ENOX1: variants seen among roughly 807,000 people sequenced by gnomAD.
The protein encoded by ENOX1 is candidate growth-related and time keeping constitutive hydroquinone (NADH) oxidase.
A neutral mutation model predicts 82.5 loss-of-function variants in ENOX1; 42 were observed. That is an observed-to-expected ratio of 0.51 (90% confidence interval 0.40 to 0.66). The LOEUF (loss-of-function observed/expected upper bound fraction) is 0.66. Among genes scored for constraint, ENOX1 ranks in the 30% least tolerant of loss-of-function variants. ENOX1 has a pLI of 0.00. For synonymous variants in ENOX1, 271 were observed against 282.2 expected (o/e 0.96, Z 0.40); for missense variants, 608 against 811.6 (o/e 0.75, Z 3.05).
At chr13:43,709,937 T>C (rs1359526811) in intron 1 of ENOX1, among the ~76,000 whole-genome samples, 2 of 152,142 alleles carry the variant, frequency 1.3e-5, no homozygotes, top group Non-Finnish European at 2.9e-5. Context: ...AGTTTTACTT[T>C]CAACAAACAG....
intron 1 of ENOX1, among the ~76,000 whole-genome samples, chr13:43,719,347 A>ACACACACACACC (rs2088399739): frequency 6.8e-6 from 1 of 147,258 alleles, no homozygotes; most frequent in South Asian, 2.1e-4. Context: ...ACACACACAC[A>ACACACACACACC]CCAGCAATCG....
chr13:43,592,371 A>C (rs1334029820), intron 2 of ENOX1, among the ~76,000 whole-genome samples: 1 of 152,214 alleles, frequency 6.6e-6, no homozygotes, highest in Admixed American at 6.5e-5. Flanking sequence ...GGGACATGTA[A>C]AATATGTGAT....
chr13:43,523,421 G>A (rs570918537), intron 2 of ENOX1, among the ~76,000 whole-genome samples: 1 of 152,254 alleles, frequency 6.6e-6, no homozygotes, highest in African/African-American at 2.4e-5. Context: ...ATAGAAAACA[G>A]AGAATAAGGG....
chr13:43,446,676 T>C (rs1181116014), intron 3 of ENOX1, among the ~76,000 whole-genome samples: 5 of 152,350 alleles, frequency 3.3e-5, no homozygotes, highest in Non-Finnish European at 5.9e-5. Flanking sequence ...ATCTAACTTC[T>C]GCCCAACCTT....
chr13:43,541,188 T>TTTTTTTTTTTG (rs2078705803), intron 2 of ENOX1, among the ~76,000 whole-genome samples: 1 of 140,524 alleles, frequency 7.1e-6, no homozygotes. Flanking sequence ...TTTTTTTTTT[T>TTTTTTTTTTTG]TTTTTTTTTT....
intron 9 of ENOX1, among the ~76,000 whole-genome samples, chr13:43,342,228 A>AC: frequency 6.6e-6 from 1 of 152,286 alleles, no homozygotes; most frequent in Admixed American, 6.5e-5. Context: ...TGTCTAACTG[A>AC]CACATCAAGT....
intron 1 of ENOX1, among the ~76,000 whole-genome samples, chr13:43,760,136 C>T (rs563410429): frequency 6.6e-6 from 1 of 152,282 alleles, no homozygotes; most frequent in Non-Finnish European, 1.5e-5. Flanking sequence ...TATAGACCAA[C>T]TCTTTTTTCA....
At chr13:43,288,082 C>T (rs2045802009) in intron 12 of ENOX1, among the ~76,000 whole-genome samples, 1 of 152,060 alleles carries the variant, frequency 6.6e-6, no homozygotes. Flanking sequence ...CATCTTGTGG[C>T]CTGTTATTAT....
intron 5 of ENOX1, among the ~76,000 whole-genome samples, chr13:43,362,695 C>G (rs1476060311): frequency 6.6e-6 from 1 of 152,188 alleles, no homozygotes; most frequent in Non-Finnish European, 1.5e-5. Flanking sequence ...GCTTTGTTTA[C>G]TAAGAAGCTC....
chr13:43,301,762 C>T (rs185901568), intron 11 of ENOX1, among the ~76,000 whole-genome samples: 274 of 152,214 alleles, frequency 1.8e-3, no homozygotes, highest in Middle Eastern at 3.4e-3. Flanking sequence ...TATATTGACT[C>T]CACTTAGCTT....
At chr13:43,437,255 G>A (rs960313751) in intron 3 of ENOX1, among the ~76,000 whole-genome samples, 1 of 152,154 alleles carries the variant, frequency 6.6e-6, no homozygotes, top group Admixed American at 6.5e-5. Flanking sequence ...ATTGGGAAGG[G>A]TAGAATAAAC....
At chr13:43,400,562 T>C (rs905872792) in intron 5 of ENOX1, among the ~76,000 whole-genome samples, 2 of 152,230 alleles carry the variant, frequency 1.3e-5, no homozygotes, top group African/African-American at 4.8e-5. Flanking sequence ...GTCATAAACC[T>C]GAGTGCATGA....
intron 12 of ENOX1, among the ~76,000 whole-genome samples, chr13:43,274,763 G>A (rs910030615): frequency 6.6e-6 from 1 of 152,144 alleles, no homozygotes; most frequent in Admixed American, 6.5e-5. Context: ...ACACTTGGGC[G>A]GACCATAAGC....
intron 2 of ENOX1, among the ~76,000 whole-genome samples, chr13:43,506,842 G>C (rs1048260580): frequency 4.6e-5 from 7 of 151,054 alleles, no homozygotes; most frequent in Admixed American, 4.0e-4. Flanking sequence ...GTTGTGGGGT[G>C]GGGGGACGGG....
intron 5 of ENOX1, among the ~76,000 whole-genome samples, chr13:43,387,132 C>T (rs998125272): frequency 1.6e-4 from 25 of 152,182 alleles, no homozygotes; most frequent in African/African-American, 5.3e-4. Context: ...GACAGACTTG[C>T]TTCTTACTTT....
At chr13:43,396,021 C>T (rs1474838764) in intron 5 of ENOX1, among the ~76,000 whole-genome samples, 1 of 152,108 alleles carries the variant, frequency 6.6e-6, no homozygotes, top group African/African-American at 2.4e-5. Flanking sequence ...TAGCATGTAC[C>T]CCGGTTACCT....
chr13:43,625,518 ATTCC>A (rs2082926227), intron 2 of ENOX1, among the ~76,000 whole-genome samples: 1 of 151,926 alleles, frequency 6.6e-6, no homozygotes, highest in Non-Finnish European at 1.5e-5. Context: ...AAATCCCACT[ATTCC>A]TTCTTTTTTT....
At chr13:43,407,134 C>G (rs181454274) in intron 5 of ENOX1, among the ~76,000 whole-genome samples, 32 of 152,224 alleles carry the variant, frequency 2.1e-4, no homozygotes, top group African/African-American at 7.5e-4. Context: ...CAAGAGGTGC[C>G]AAAGCTTGGG....
intron 5 of ENOX1, among the ~76,000 whole-genome samples, chr13:43,362,277 G>A (rs1485250596): frequency 6.6e-6 from 1 of 151,344 alleles, no homozygotes; most frequent in Non-Finnish European, 1.5e-5. Flanking sequence ...TTCAAAGGTG[G>A]CATACAGACA....
Sources: allele counts gnomAD v4.1 joint callset (sites outside exome capture counted in the v4.1 genomes callset), GRCh38; gene constraint gnomAD v4.1.1; transcripts MANE v1.5; gene names NCBI Gene and HGNC (gene_info 2026-07-23, HGNC 2026-07-21).